NTRK1: variants seen among roughly 807,000 people sequenced by gnomAD.
NTRK1 encodes the protein neurotrophic receptor tyrosine kinase 1.
Under a neutral mutation model 86.8 loss-of-function variants are expected in NTRK1, and 62 were observed. The ratio of observed to expected loss-of-function variants is 0.71; its 90% CI spans 0.58 to 0.88. The LOEUF is 0.88. NTRK1 is among the 40% of genes least tolerant of loss of function. NTRK1 has a pLI of 0.00. For missense variants in NTRK1, 967 were observed against 1,078.4 expected, an observed-to-expected ratio of 0.90 and a Z score of 1.45; for synonymous variants, 469 against 456.6, an observed-to-expected ratio of 1.03 and a Z score of -0.35.
intron 1 of NTRK1, among the ~76,000 whole-genome samples, chr1:156,819,221 T>G (rs532842370): frequency 3.3e-5 from 5 of 152,330 alleles, no homozygotes; most frequent in African/African-American, 1.2e-4. Context: ...TTGGCCAGGC[T>G]GGTCTCGAAC....
At chr1:156,853,860 C>T in intron 2 of NTRK1, 2 of 1,614,064 alleles carry the variant, frequency 1.2e-6, no homozygotes, top group Non-Finnish European at 1.7e-6. Context: ...CACACGTCAG[C>T]ACACTCCTCG....
At chr1:156,845,181 G>T (rs751250792) in intron 2 of NTRK1, 2 of 1,610,280 alleles carry the variant, frequency 1.2e-6, no homozygotes, top group South Asian at 1.1e-5. Context: ...GTGAAGTGGC[G>T]CAGGCCGCTC....
At chr1:156,834,165 G>T (rs750262083) in intron 1 of NTRK1, among the ~76,000 whole-genome samples, 8 of 152,198 alleles carry the variant, frequency 5.3e-5, no homozygotes, top group Non-Finnish European at 8.8e-5. Context: ...TGCCCTGTGG[G>T]TGGTATAGAG....
intron 1 of NTRK1, chr1:156,841,361 A>G (rs1654773452): frequency 6.2e-7 from 1 of 1,606,884 alleles, no homozygotes; most frequent in Non-Finnish European, 8.5e-7. Flanking sequence ...TAGGTAGATC[A>G]ACAATGAGGA....
intron 2 of NTRK1, chr1:156,848,947 G>C: frequency 6.3e-7 from 1 of 1,593,216 alleles, no homozygotes; most frequent in Non-Finnish European, 8.5e-7. Context: ...CGATGAAGCT[G>C]AGCAGGTCGC....
chr1:156,861,102 G>A lies in NTRK1; in HGVS notation c.168G>A (p.Leu56=), dbSNP rs2102879457. ...SGLRCTRDGA[L]DSLHHLPGAE... ...TGCGATGCACCCGGGATGGGGCCCT[G>A]GATAGCCTCCACCACCTGCCCGGCG... The change falls in exon 1 of 17, where the codon CTG becomes CTA. Residue 56 remains leucine (L), a synonymous_variant. Transcript: ENST00000524377. The A allele has an allele frequency of 6.3e-7, 1 of 1,585,258 alleles. No homozygotes were observed. Among genetic ancestry groups the A allele is most frequent in the Non-Finnish European group, 8.5e-7 (1 of 1,169,788 alleles).
chr1:156,845,947 C>T (rs1325308901), intron 2 of NTRK1: 2 of 1,610,566 alleles, frequency 1.2e-6, no homozygotes, highest in South Asian at 1.1e-5. Context: ...GTCGTCCCTG[C>T]GCACCGCGGT....
At chr1:156,841,551 G>A (rs1425417157) in intron 1 of NTRK1, 36 of 1,613,846 alleles carry the variant, frequency 2.2e-5, no homozygotes, top group Non-Finnish European at 3.1e-5. Flanking sequence ...AGGAGCTCCT[G>A]AGCCCAGCAC....
chr1:156,865,268 A>G (rs1318388985), intron 3 of NTRK1, among the ~76,000 whole-genome samples: 2 of 152,110 alleles, frequency 1.3e-5, no homozygotes. Flanking sequence ...AGTGGACCCC[A>G]ACTTTTTTGG....
intron 1 of NTRK1, among the ~76,000 whole-genome samples, chr1:156,839,281 A>T (rs542804211): frequency 2.0e-5 from 3 of 152,338 alleles, no homozygotes; most frequent in Admixed American, 6.5e-5. Context: ...GCAAGGGTGC[A>T]CAGAAAGTCT....
At chr1:156,829,554 G>C (rs111980888) in intron 1 of NTRK1, among the ~76,000 whole-genome samples, 39 of 152,202 alleles carry the variant, frequency 2.6e-4, no homozygotes, top group African/African-American at 6.3e-4. Flanking sequence ...GGGATAGACT[G>C]TCTCTCGTTG....
chr1:156,856,873 T>C (rs901665410), upstream of NTRK1, among the ~76,000 whole-genome samples: 1 of 152,064 alleles, frequency 6.6e-6, no homozygotes, highest in Non-Finnish European at 1.5e-5. Flanking sequence ...CCCTGGACTC[T>C]CTTGCTCCCA....
Position 156,873,877 on chromosome 1 carries a change from C to T in NTRK1, c.1095C>T (p.Asn365=), listed in dbSNP as rs780248273. ...NNGNYTLLAA[N]PFGQASASIM... ...GCAACTACACGCTGCTGGCTGCCAACCCCTTCGGCCAGGCCTCCGCCTCCA... is the reference window on the plus strand; with the variant it reads ...GCAACTACACGCTGCTGGCTGCCAATCCCTTCGGCCAGGCCTCCGCCTCCA... Residue 365 remains asparagine, a synonymous_variant, in exon 8 of 17, where the codon AAC becomes AAT. Transcript: ENST00000524377. 4 of 1,593,020 alleles carry T rather than the reference C, an allele frequency of 2.5e-6. No homozygotes were observed. The highest frequency in any genetic ancestry group is 1.7e-5 in the Admixed American group (1 of 57,388).
chr1:156,865,187 G>T, intron 3 of NTRK1: 1 of 298,828 alleles, frequency 3.3e-6, no homozygotes. Flanking sequence ...CATCCTGGGA[G>T]CTGGGGTGTT....
rs1270451209 is a variant in NTRK1, at chr1:156,865,077, A to G, written c.359+278A>G. 7.9e-6 allele frequency: 4 copies of G among 506,168 alleles called. No homozygotes were observed. In the South Asian group the frequency reaches 8.0e-5, roughly 10 times the overall value. 31.4% of individuals were successfully genotyped at this position (506,168 alleles called of 1,614,324 possible). On this transcript the variant is annotated intron_variant, in intron 3 of 16. Transcript: ENST00000524377. ...TGCCCTATCTTTCTTCCCAGGGCTC[A>G]GATACACACCAGTGCAAAGGGAGCA...
intron 2 of NTRK1, among the ~76,000 whole-genome samples, chr1:156,852,590 G>C (rs148076939): frequency 6.6e-6 from 1 of 152,204 alleles, no homozygotes; most frequent in Non-Finnish European, 1.5e-5. Context: ...GGGAGTGTGT[G>C]CAGGGAGGGG....
intron 3 of NTRK1, among the ~76,000 whole-genome samples, chr1:156,865,421 G>A (rs1183344243): frequency 5.3e-5 from 8 of 152,142 alleles, no homozygotes; most frequent in African/African-American, 1.4e-4. Context: ...GATCCCTCAC[G>A]TGCGCAGTAG....
intron 1 of NTRK1, among the ~76,000 whole-genome samples, chr1:156,825,722 G>A (rs1160740354): frequency 6.6e-6 from 1 of 152,220 alleles, no homozygotes; most frequent in African/African-American, 2.4e-5. Flanking sequence ...CTTAGCTTCT[G>A]TCACACAATA....
intron 1 of NTRK1, 103 bp downstream of exon 1, chr1:156,861,249 A>C: frequency 1.5e-6 from 2 of 1,360,182 alleles, no homozygotes; most frequent in Non-Finnish European, 2.0e-6. Flanking sequence ...CAGGACGAGC[A>C]CGGCGGAAGG....
Sources: allele counts gnomAD v4.1 joint callset (sites outside exome capture counted in the v4.1 genomes callset), GRCh38; gene constraint gnomAD v4.1.1; transcripts MANE v1.5; gene names NCBI Gene and HGNC (gene_info 2026-07-23, HGNC 2026-07-21).